Variants in CFAP54 observed in about 807,000 individuals in gnomAD.
CFAP54 encodes cilia and flagella associated protein 54, also known as cilia- and flagella-associated protein 54.
CFAP54 carries 290 observed loss-of-function variants against 370.4 expected under a neutral mutation model. The observed-to-expected ratio is 0.78, with a 90% CI of 0.71 to 0.86. The LOEUF (loss-of-function observed/expected upper bound fraction) is 0.86, where lower values mean the gene tolerates loss of function less well. CFAP54 is among the 40% of genes least tolerant of loss of function. The pLI is 0.00. For missense variants in CFAP54, 3,399 were observed against 3,528.7 expected (o/e 0.96, Z 0.93); for synonymous variants, 1,206 against 1,236.5 (o/e 0.98, Z 0.52).
intron 14 of CFAP54, 111 bp from the exon 15 acceptor site, chr12:96,547,791 C>G: frequency 2.4e-6 from 1 of 414,306 alleles, no homozygotes; most frequent in Non-Finnish European, 4.2e-6. Flanking sequence ...CTTTCGTTTC[C>G]TCCTCACTCT....
Position 96,743,757 on chromosome 12 carries a change from T to C in CFAP54, c.7404T>C (p.Asn2468=). Residue 2468 remains asparagine (N), a synonymous_variant, in exon 54 of 68, where the codon AAT becomes AAC. Coordinates refer to ENST00000524981, the MANE Select transcript of CFAP54 (RefSeq NM_001306084.2). ...LQDIIHLLEG[N]EFISPQSRLT... The stretch of plus-strand genomic sequence containing the variant: ...ATATAATACATTTGCTGGAAGGAAA[T>C]GAATTTATTTCTCCTCAATCACGGC... 6.2e-7 allele frequency: 1 copy of C among 1,609,092 alleles called. No homozygotes were observed. Among genetic ancestry groups the C allele is most frequent in the Non-Finnish European group, 8.5e-7 (1 of 1,178,574 alleles).
At chr12:96,697,151 T>C (rs561849854) in intron 45 of CFAP54, among the ~76,000 whole-genome samples, 66 of 152,378 alleles carry the variant, frequency 4.3e-4, no homozygotes, top group South Asian at 3.3e-3. Flanking sequence ...CTTTTTGCTG[T>C]CTGGCTTGTT....
intron 60 of CFAP54, among the ~76,000 whole-genome samples, chr12:96,776,559 T>A (rs966145013): frequency 1.3e-5 from 2 of 152,198 alleles, no homozygotes; most frequent in African/African-American, 2.4e-5. Context: ...ATAATTTTTT[T>A]AAAAATCCAG....
At chr12:96,688,814 T>C in intron 42 of CFAP54, 102 bp from the exon 43 acceptor site, 1 of 590,418 alleles carries the variant, frequency 1.7e-6, no homozygotes, top group South Asian at 2.2e-5. Flanking sequence ...TATGCATTTT[T>C]CTTATACTTT....
Position 96,742,702 on chromosome 12 carries a change from G to A in CFAP54, c.7219+116G>A, listed in dbSNP as rs1388943737. On this transcript the variant is annotated intron_variant, in intron 52 of 67. Transcript: ENST00000524981. ...GTTTTATAACTTTCTAGCTTGATCT[G>A]CTTATAGAATTAAAAATTCAGGTTA... 11 of 1,020,496 alleles carry A rather than the reference G, an allele frequency of 1.1e-5. No homozygotes were observed. The East Asian group carries it at 3.0e-4, about 28-fold the overall frequency. 63.2% of individuals were successfully genotyped at this position (1,020,496 alleles called of 1,614,324 possible). A position where few individuals can be genotyped will look rare whatever the true frequency, so the allele number is the denominator to read the frequency against.
At chr12:96,618,370 G>C (rs1489645782) in intron 26 of CFAP54, among the ~76,000 whole-genome samples, 1 of 152,192 alleles carries the variant, frequency 6.6e-6, no homozygotes, top group African/African-American at 2.4e-5. Context: ...GACTAGAGCA[G>C]GATCCCTGAA....
At chr12:96,574,559 TA>T (rs986515274) in intron 19 of CFAP54, among the ~76,000 whole-genome samples, 2 of 151,846 alleles carry the variant, frequency 1.3e-5, no homozygotes, top group Admixed American at 6.6e-5. Flanking sequence ...TTTATTGACT[TA>T]AAAAAATCTG....
In CFAP54 at chr12:96,508,126, CTTTTTT is replaced by C. The variant is rs398020728; in HGVS notation, c.739+1041_739+1046del. ...TTTAAGATCACAACCCAAACATAGT[CTTTTTT>C]TTTTTTTTTTTTTGTCTGAGACAGG... is the stretch of plus-strand genomic sequence containing the variant. On this transcript the variant is annotated intron_variant, in intron 4 of 67. Coordinates refer to ENST00000524981, the MANE Select transcript of CFAP54 (RefSeq NM_001306084.2). 1.0e-3 allele frequency among the ~76,000 whole-genome samples: 117 copies of C among 112,212 alleles called. 1 individual carries two copies. The highest frequency in any genetic ancestry group is 1.7e-3 in the Non-Finnish European group (99 of 58,950). The allele number at this position is 112,212 out of a possible 152,430, so 73.6% of individuals were successfully genotyped here. A position where few individuals can be genotyped will look rare whatever the true frequency, so the allele number is the denominator to read the frequency against.
chr12:96,521,773 G>T (rs1219362466), intron 6 of CFAP54, 84 bp from the exon 7 acceptor site: 20 of 1,013,196 alleles, frequency 2.0e-5, no homozygotes, highest in Admixed American at 5.1e-5. Context: ...TAAATCAAAT[G>T]CCTGGGAGAA....
In CFAP54 at chr12:96,860,846, A is replaced by G; in HGVS notation, c.9199A>G (p.Ile3067Val). ...CCCATTTGATATCTCACTGCCGTCT[A>G]TATTCAATCTTGAGAGACTTTTTGA... is the stretch of plus-strand genomic sequence containing the variant. Reference protein sequence around the residue: ...EVPFDISLPSIFNLERLFDLA... With the variant: ...EVPFDISLPSVFNLERLFDLA... The change falls in exon 67 of 68, where the codon ATA (isoleucine) becomes GTA (valine). Residue 3067 changes from isoleucine to valine, a missense_variant. This residue lies in a region of CFAP54 where 2,796 missense variants were observed against 2,869.7 expected (regional missense o/e 0.97). Transcript: ENST00000524981. 1 of 1,533,590 alleles carries G rather than the reference A, an allele frequency of 6.5e-7. No individual in the cohort carries two copies. The highest frequency in any genetic ancestry group is 8.7e-7 in the Non-Finnish European group (1 of 1,145,316). 95.0% of individuals were successfully genotyped at this position (1,533,590 alleles called of 1,614,324 possible).
At position 96,786,194 on chromosome 12, in the gene CFAP54, T is replaced by C. The variant is rs552796192; in HGVS notation, c.8456-481T>C. Among the ~76,000 whole-genome samples the C allele has an allele frequency of 5.1e-3, 739 of 144,198 alleles. 3 individuals are homozygous for C. The highest frequency in any genetic ancestry group is 0.011 in the Middle Eastern group (3 of 276). The allele number at this position is 144,198 out of a possible 152,430, so 94.6% of individuals were successfully genotyped here. ...CATGTGCCTTTGAAATTTTCTTTTT[T>C]TTAATCTTTTTTTTTTTTTTTTGTC... On this transcript the variant is annotated intron_variant, in intron 61 of 67. Transcript: ENST00000524981.
intron 47 of CFAP54, among the ~76,000 whole-genome samples, chr12:96,706,478 C>T (rs150295541): frequency 4.6e-5 from 7 of 152,114 alleles, no homozygotes; most frequent in African/African-American, 9.6e-5. Flanking sequence ...CCTAGCTTGG[C>T]GAGGGACATC....
intron 48 of CFAP54, among the ~76,000 whole-genome samples, chr12:96,714,265 G>A (rs1957649049): frequency 6.6e-6 from 1 of 152,190 alleles, no homozygotes; most frequent in African/African-American, 2.4e-5. Context: ...TTGAAAGGAA[G>A]ATCAGAAGTT....
chr12:96,512,106 A>T (rs973694061), intron 4 of CFAP54, among the ~76,000 whole-genome samples: 1 of 151,868 alleles, frequency 6.6e-6, no homozygotes, highest in Non-Finnish European at 1.5e-5. Context: ...TGCTAGTAGG[A>T]CACACCTTGA....
At chr12:96,771,607 G>A (rs560762710) in intron 60 of CFAP54, among the ~76,000 whole-genome samples, 1 of 151,978 alleles carries the variant, frequency 6.6e-6, no homozygotes, top group Non-Finnish European at 1.5e-5. Context: ...AGCCGAGATA[G>A]CGCCACTGCA....
chr12:96,766,058 C>G (rs2136673174), intron 60 of CFAP54, among the ~76,000 whole-genome samples: 1 of 152,198 alleles, frequency 6.6e-6, no homozygotes, highest in Non-Finnish European at 1.5e-5. Context: ...AGCATTGAGC[C>G]AAAGGAGAAG....
chr12:96,779,208 A>G (rs1958557422), intron 60 of CFAP54, among the ~76,000 whole-genome samples: 1 of 152,114 alleles, frequency 6.6e-6, no homozygotes, highest in South Asian at 2.1e-4. Flanking sequence ...GAAATAGAAT[A>G]AGACCAGCGC....
At chr12:96,600,977 C>A (rs1093239) in intron 26 of CFAP54, among the ~76,000 whole-genome samples, 1 of 151,942 alleles carries the variant, frequency 6.6e-6, no homozygotes, top group Non-Finnish European at 1.5e-5. Flanking sequence ...ATTGACCTGG[C>A]CAGAATTTCC....
chr12:96,862,198 T>A lies in CFAP54; in HGVS notation c.*14+1246T>A, dbSNP rs183738819. On this transcript the variant is annotated intron_variant, in intron 67 of 67. Coordinates refer to ENST00000524981, the MANE Select transcript of CFAP54 (RefSeq NM_001306084.2). ...GAAGGTAGAATTGTTCTAGAATATA[T>A]GTAGAGGAAACAAGCCTTTAGCAAA... Among the ~76,000 whole-genome samples, 276 of 150,950 alleles carry A rather than the reference T, an allele frequency of 1.8e-3. 1 individual carries two copies. The highest frequency in any genetic ancestry group is 6.4e-3 in the African/African-American group (260 of 40,314).
Sources: gnomAD v4.1 joint callset for allele counts (sites outside exome capture counted in the v4.1 genomes callset) on GRCh38, gnomAD v4.1.1 for gene constraint, gnomAD v4.1.1 regional missense constraint, MANE v1.5 for transcripts, NCBI Gene and HGNC (gene_info 2026-07-23, HGNC 2026-07-21) for gene names.